The following FAM204A variants were observed in gnomAD, a reference collection of about 807,000 sequenced individuals.
FAM204A encodes the protein protein FAM204A.
Under a neutral mutation model 35.4 loss-of-function variants are expected in FAM204A, and 16 were observed. That is an observed-to-expected ratio of 0.45 (90% CI 0.31 to 0.69). FAM204A has a LOEUF of 0.69. Among genes scored for constraint, FAM204A ranks in the 30% least tolerant of loss-of-function variants. The probability of loss-of-function intolerance (pLI) is 0.07; values close to 1 mark genes in which losing one functional copy is unlikely to be tolerated. For synonymous variants in FAM204A, 76 were observed against 86.9 expected, an observed-to-expected ratio of 0.88 and a Z score of 0.70; for missense variants, 240 against 265.7, an observed-to-expected ratio of 0.90 and a Z score of 0.67.
intron 6 of FAM204A, among the ~76,000 whole-genome samples, chr10:118,334,812 C>CTATAT (rs1846353610): frequency 6.6e-6 from 1 of 151,940 alleles, no homozygotes; most frequent in Non-Finnish European, 1.5e-5. Context: ...CGCTAGCATT[C>CTATAT]TTTATATAGA....
intron 7 of FAM204A, among the ~76,000 whole-genome samples, chr10:118,314,806 T>A (rs1437487780): frequency 6.6e-6 from 1 of 152,174 alleles, no homozygotes; most frequent in Admixed American, 6.6e-5. Flanking sequence ...GCATTTTCCA[T>A]ATAGAACATC....
intron 2 of FAM204A, among the ~76,000 whole-genome samples, chr10:118,340,928 T>C (rs1846468644): frequency 6.6e-6 from 1 of 152,214 alleles, no homozygotes; most frequent in Admixed American, 6.5e-5. Flanking sequence ...ATTATGAATT[T>C]TACAGAGCAG....
At position 118,342,261 on chromosome 10, in the gene FAM204A, C is replaced by T. The variant is rs1416203719; in HGVS notation, c.-210+9G>A. ...GGCGGGTAACCAACCCTCCATAAGCCGTACTCACCTGTCAGGAAGTGGTCG... is the reference window on the plus strand; with the variant it reads ...GGCGGGTAACCAACCCTCCATAAGCTGTACTCACCTGTCAGGAAGTGGTCG... On this transcript the variant is annotated intron_variant, in intron 1 of 8. Coordinates refer to ENST00000369183, the MANE Select transcript of FAM204A (RefSeq NM_022063.3). 6.6e-6 allele frequency: 1 copy of T among 152,304 alleles called. No individual in the cohort carries two copies. The highest frequency in any genetic ancestry group is 1.5e-5 in the Non-Finnish European group (1 of 68,158). The allele number at this position is 152,304 out of a possible 1,614,324, so 9.4% of individuals were successfully genotyped here.
rs144003675 is a variant in FAM204A, at chr10:118,298,945, C to T, written c.*11912G>A. ...GATAATGTTTAATGGAAAAGGGCAGCGATGGACTAATGGTTGCCTAGCAAC... is the reference window on the plus strand; with the variant it reads ...GATAATGTTTAATGGAAAAGGGCAGTGATGGACTAATGGTTGCCTAGCAAC... On this transcript the variant is annotated 3_prime_UTR_variant, in exon 9 of 9. Transcript: ENST00000369183. 1 of 152,286 alleles carries T rather than the reference C, an allele frequency of 6.6e-6. No individual in the cohort carries two copies. The highest frequency in any genetic ancestry group is 1.9e-4 in the East Asian group (1 of 5,180). 9.4% of individuals were successfully genotyped at this position (152,286 alleles called of 1,614,324 possible). A position where few individuals can be genotyped will look rare whatever the true frequency, so the allele number is the denominator to read the frequency against.
rs980779498 is a variant in FAM204A at position 118,303,866 on chromosome 10, C to T, written c.*6991G>A. ...TTGCCACAAGCAGAGTTCACAGAGC[C>T]CTCTTCCCCCAGCACAAGGCCAAGG... On this transcript the variant is annotated 3_prime_UTR_variant, in exon 9 of 9. Coordinates refer to ENST00000369183, the MANE Select transcript of FAM204A (RefSeq NM_022063.3). 3.3e-5 allele frequency: 5 copies of T among 152,520 alleles called. No homozygotes were observed. Among genetic ancestry groups the T allele is most frequent in the African/African-American group, 1.2e-4 (5 of 41,414 alleles). 9.4% of individuals were successfully genotyped at this position (152,520 alleles called of 1,614,324 possible). A position where few individuals can be genotyped will look rare whatever the true frequency, so the allele number is the denominator to read the frequency against.
intron 7 of FAM204A, among the ~76,000 whole-genome samples, chr10:118,315,072 T>C (rs1846010118): frequency 6.6e-6 from 1 of 152,120 alleles, no homozygotes; most frequent in Admixed American, 6.5e-5. Flanking sequence ...GGCTGGACCC[T>C]TGAGGCATTC....
intron 2 of FAM204A, among the ~76,000 whole-genome samples, chr10:118,338,436 T>A (rs1846421618): frequency 6.6e-6 from 1 of 152,232 alleles, no homozygotes; most frequent in Non-Finnish European, 1.5e-5. Context: ...TTTAGGCTCA[T>A]TATCATTTAA....
In FAM204A at chr10:118,310,793, C is replaced by A; in HGVS notation, c.*64G>T. 1 of 1,339,160 alleles carries A rather than the reference C, an allele frequency of 7.5e-7. No homozygotes were observed. Among genetic ancestry groups the A allele is most frequent in the South Asian group, 1.3e-5 (1 of 78,816 alleles). The allele number at this position is 1,339,160 out of a possible 1,614,324, so 83.0% of individuals were successfully genotyped here. On this transcript the variant is annotated 3_prime_UTR_variant, in exon 9 of 9. Coordinates refer to ENST00000369183, the MANE Select transcript of FAM204A (RefSeq NM_022063.3). The stretch of plus-strand genomic sequence containing the variant: ...CAATTTTCTGACATATTAACATAGG[C>A]AGGAAAACATTCTCAGTAAATTGAG...
intron 7 of FAM204A, among the ~76,000 whole-genome samples, chr10:118,317,331 A>G (rs187810963): frequency 3.8e-4 from 58 of 152,208 alleles, no homozygotes; most frequent in Admixed American, 8.5e-4. Context: ...AAACATGCTG[A>G]TTAATTGAAC....
intron 6 of FAM204A, among the ~76,000 whole-genome samples, chr10:118,328,557 A>G (rs531020192): frequency 2.5e-4 from 38 of 151,334 alleles, no homozygotes; most frequent in African/African-American, 7.8e-4. Flanking sequence ...CAGTGGCGCA[A>G]TCTCAGCTCA....
chr10:118,317,657 A>T (rs1231924234), intron 7 of FAM204A, among the ~76,000 whole-genome samples: 1 of 152,044 alleles, frequency 6.6e-6, no homozygotes, highest in African/African-American at 2.4e-5. Context: ...GGGAACAAAC[A>T]TATCTTTAAA....
rs1845776910 is a variant in FAM204A at position 118,298,804 on chromosome 10, T to G, written c.*12053A>C. ...ATCCACCCAAGAGTGATCTAACCTT[T>G]GCAAAGCCTTCACTGATTCGGGAAC... On this transcript the variant is annotated 3_prime_UTR_variant, in exon 9 of 9. Coordinates refer to ENST00000369183, the MANE Select transcript of FAM204A (RefSeq NM_022063.3). 1 of 152,248 alleles carries G rather than the reference T, an allele frequency of 6.6e-6. No individual in the cohort carries two copies. Among genetic ancestry groups the G allele is most frequent in the Non-Finnish European group, 1.5e-5 (1 of 68,046 alleles). The allele number at this position is 152,248 out of a possible 1,614,324, so 9.4% of individuals were successfully genotyped here.
intron 6 of FAM204A, among the ~76,000 whole-genome samples, chr10:118,330,801 G>T (rs1846276311): frequency 6.6e-6 from 1 of 152,150 alleles, no homozygotes; most frequent in Non-Finnish European, 1.5e-5. Flanking sequence ...CTCACAAAGA[G>T]CACAGCTGGC....
In FAM204A at chr10:118,336,409, T is replaced by A. The variant is rs151266717; in HGVS notation, c.7A>T (p.Ser3Cys). 1.8e-5 allele frequency: 29 copies of A among 1,607,742 alleles called. No individual in the cohort carries two copies. The highest frequency in any genetic ancestry group is 2.5e-5 in the Non-Finnish European group (29 of 1,177,682). Residue 3 changes from serine (S) to cysteine (C), a missense_variant, in exon 3 of 9, where the codon AGT becomes TGT. By Grantham distance (112) the Ser-to-Cys change is moderately radical. Around this residue, in one of 2 missense-constraint regions of FAM204A, gnomAD observed 232 missense variants for 242.8 expected, o/e 0.96. Transcript: ENST00000369183. MW[S>C]GLLPPGLNES... ...TTTAGGCCAGGAGGTAGCAGCCCAC[T>A]CCACATCTTTTCTTCTATGAGGAAA... is the stretch of plus-strand genomic sequence containing the variant.
chr10:118,327,993 G>C (rs971330913), intron 6 of FAM204A, among the ~76,000 whole-genome samples: 1 of 152,168 alleles, frequency 6.6e-6, no homozygotes, highest in Admixed American at 6.5e-5. Flanking sequence ...GTTTTGTCCA[G>C]ATGGCTTTTG....
chr10:118,321,127 T>C (rs1846110051), intron 7 of FAM204A, among the ~76,000 whole-genome samples: 1 of 151,724 alleles, frequency 6.6e-6, no homozygotes, highest in African/African-American at 2.4e-5. Context: ...CACTGCTGCT[T>C]GAAAAAAGAA....
intron 2 of FAM204A, chr10:118,337,336 C>G (rs1846404938): frequency 1.7e-6 from 1 of 583,674 alleles, no homozygotes; most frequent in Admixed American, 6.4e-5. Flanking sequence ...TCATGATTTA[C>G]TATCAATATG....
intron 2 of FAM204A, among the ~76,000 whole-genome samples, chr10:118,336,924 A>T (rs1240785686): frequency 1.3e-5 from 2 of 152,218 alleles, no homozygotes; most frequent in Admixed American, 6.5e-5. Flanking sequence ...TAACTAAAGG[A>T]AAATTTTTAA....
At chr10:118,332,631 T>C (rs753719781) in intron 6 of FAM204A, among the ~76,000 whole-genome samples, 25 of 151,950 alleles carry the variant, frequency 1.6e-4, no homozygotes, top group Non-Finnish European at 2.8e-4. Context: ...AAGAGTCTGT[T>C]TGGAAAAAGC....
Sources: allele counts gnomAD v4.1 joint callset (sites outside exome capture counted in the v4.1 genomes callset), GRCh38; gene constraint gnomAD v4.1.1; regional missense constraint gnomAD v4.1.1; transcripts MANE v1.5; gene names NCBI Gene and HGNC (gene_info 2026-07-23, HGNC 2026-07-21).